DCBLD2: variants seen among roughly 807,000 people sequenced by gnomAD.
DCBLD2 encodes discoidin, CUB and LCCL domain containing 2, also known as discoidin, CUB and LCCL domain-containing protein 2.
DCBLD2 carries 54 observed loss-of-function variants against 86.8 expected under a neutral mutation model. The ratio of observed to expected loss-of-function variants is 0.62; its 90% CI spans 0.50 to 0.78. DCBLD2 has a LOEUF of 0.78. Among genes scored for constraint, DCBLD2 ranks in the 30% least tolerant of loss-of-function variants. The pLI, the probability that DCBLD2 is intolerant of heterozygous loss-of-function variation, is 0.00. For synonymous variants in DCBLD2, 354 were observed against 341.3 expected, an observed-to-expected ratio of 1.04 and a Z score of -0.41; for missense variants, 908 against 954.2, an observed-to-expected ratio of 0.95 and a Z score of 0.64.
Position 98,901,372 on chromosome 3 carries a change from C to T in DCBLD2, c.-46G>A, listed in dbSNP as rs964944317. ...CTGCATAGTGCGGGTGCCTCGGCAG[C>T]CCCGCGCGCCTCTGGCCGCGGCACC... On this transcript the variant is annotated 5_prime_UTR_variant, in exon 1 of 16. Coordinates refer to ENST00000326840, the MANE Select transcript of DCBLD2 (RefSeq NM_080927.4). 24 of 1,275,650 alleles carry T rather than the reference C, an allele frequency of 1.9e-5. No individual in the cohort carries two copies. The highest frequency in any genetic ancestry group is 2.4e-5 in the Non-Finnish European group (24 of 1,017,612). The allele number at this position is 1,275,650 out of a possible 1,614,324, so 79.0% of individuals were successfully genotyped here.
Position 98,894,749 on chromosome 3 carries a change from C to T in DCBLD2, c.205+6373G>A, listed in dbSNP as rs145650847. Among the ~76,000 whole-genome samples, 108 of 152,078 alleles carry T rather than the reference C, an allele frequency of 7.1e-4. 1 individual carries two copies. The East Asian group carries it at 0.015, about 22-fold the overall frequency. On this transcript the variant is annotated intron_variant, in intron 1 of 15. Transcript: ENST00000326840. ...AAGGACAACAGCATGAAGTGCATGCCGGTGCCAAGGGATGAACCAAATAAT... is the reference window on the plus strand; with the variant it reads ...AAGGACAACAGCATGAAGTGCATGCTGGTGCCAAGGGATGAACCAAATAAT...
intron 3 of DCBLD2, among the ~76,000 whole-genome samples, chr3:98,844,956 T>A (rs1314551009): frequency 2.0e-5 from 3 of 152,182 alleles, no homozygotes; most frequent in Admixed American, 2.0e-4. Flanking sequence ...ATAGATGTGG[T>A]TGTTTGTATA....
chr3:98,895,621 G>A (rs1487865312), intron 1 of DCBLD2, among the ~76,000 whole-genome samples: 1 of 152,116 alleles, frequency 6.6e-6, no homozygotes, highest in Non-Finnish European at 1.5e-5. Context: ...TACTTCTCCA[G>A]GAGTTGTGAG....
At chr3:98,806,995 T>C (rs1559768740) in intron 13 of DCBLD2, among the ~76,000 whole-genome samples, 1 of 152,144 alleles carries the variant, frequency 6.6e-6, no homozygotes, top group Non-Finnish European at 1.5e-5. Flanking sequence ...TCCTCTTCAA[T>C]CTACCCTTCA....
intron 1 of DCBLD2, among the ~76,000 whole-genome samples, chr3:98,885,134 G>A (rs1489461982): frequency 6.6e-6 from 1 of 151,810 alleles, no homozygotes; most frequent in Admixed American, 6.6e-5. Context: ...CCTTGTGTAG[G>A]GGGAGGGCAG....
intron 5 of DCBLD2, 40 bp downstream of exon 5, chr3:98,822,629 G>A: frequency 6.6e-7 from 1 of 1,519,446 alleles, no homozygotes; most frequent in Non-Finnish European, 8.9e-7. Context: ...AAAAAATAGA[G>A]TTATATCACA....
At chr3:98,878,702 C>T (rs1016801411) in intron 2 of DCBLD2, among the ~76,000 whole-genome samples, 11 of 152,064 alleles carry the variant, frequency 7.2e-5, no homozygotes, top group African/African-American at 2.2e-4. Flanking sequence ...AGTGGGTATA[C>T]GGTAGGTGTG....
chr3:98,835,401 A>G (rs1200383403), intron 3 of DCBLD2, among the ~76,000 whole-genome samples: 1 of 109,266 alleles, frequency 9.2e-6, no homozygotes, highest in Non-Finnish European at 1.9e-5. Context: ...GGGTGTCCCC[A>G]GCCAGAAATG....
rs182409819 is a variant in DCBLD2 at position 98,824,223 on chromosome 3, T to A, written c.623+1092A>T. On this transcript the variant is annotated intron_variant, in intron 4 of 15. Transcript: ENST00000326840. ...GGATTTTGGCAGCTTACATACATAA[T>A]CTGATTAGTATTTTTAAAAAAGATT... 1.0e-3 allele frequency among the ~76,000 whole-genome samples: 159 copies of A among 152,148 alleles called. 1 individual carries two copies. The highest frequency in any genetic ancestry group is 5.1e-3 in the Admixed American group (78 of 15,296).
chr3:98,821,649 T>A (rs1559773962), intron 6 of DCBLD2, among the ~76,000 whole-genome samples: 1 of 152,184 alleles, frequency 6.6e-6, no homozygotes, highest in Admixed American at 6.5e-5. Flanking sequence ...TAGACTTTTT[T>A]TTAACACTTA....
intron 13 of DCBLD2, among the ~76,000 whole-genome samples, chr3:98,804,454 T>C (rs1262226932): frequency 6.6e-6 from 1 of 152,200 alleles, no homozygotes; most frequent in African/African-American, 2.4e-5. Context: ...TTTATTAGTC[T>C]TGCTAGCAGT....
chr3:98,851,673 A>C (rs1197548762), intron 2 of DCBLD2, among the ~76,000 whole-genome samples: 1 of 152,250 alleles, frequency 6.6e-6, no homozygotes, highest in Non-Finnish European at 1.5e-5. Flanking sequence ...ACGCTACCTG[A>C]CTTCAAACTA....
intron 13 of DCBLD2, among the ~76,000 whole-genome samples, chr3:98,803,188 T>C (rs1941762505): frequency 6.6e-6 from 1 of 152,244 alleles, no homozygotes; most frequent in Non-Finnish European, 1.5e-5. Context: ...GAGCATGGAA[T>C]GTTCTTCCAT....
At chr3:98,884,926 C>A (rs1379965449) in intron 1 of DCBLD2, among the ~76,000 whole-genome samples, 5 of 152,024 alleles carry the variant, frequency 3.3e-5, no homozygotes, top group Admixed American at 3.3e-4. Context: ...AAAGAGTACA[C>A]GCAGAGTGTT....
chr3:98,898,452 C>CT (rs34406561), intron 1 of DCBLD2, among the ~76,000 whole-genome samples: 1 of 150,450 alleles, frequency 6.6e-6, no homozygotes, highest in Non-Finnish European at 1.5e-5. Context: ...TCAAAGAAAC[C>CT]TTTTTTGCAG....
chr3:98,797,298 A>G lies in DCBLD2; in HGVS notation c.*2074T>C. ...CTTAAAAAAAAAAAAACCCAAAACT[A>G]AACAACAACAACAAAAACCTCCAGG... On this transcript the variant is annotated 3_prime_UTR_variant, in exon 16 of 16. Coordinates refer to ENST00000326840, the MANE Select transcript of DCBLD2 (RefSeq NM_080927.4). 6.6e-6 allele frequency: 1 copy of G among 151,932 alleles called. No individual in the cohort carries two copies. Among genetic ancestry groups the G allele is most frequent in the African/African-American group, 2.4e-5 (1 of 41,476 alleles). 9.4% of individuals were successfully genotyped at this position (151,932 alleles called of 1,614,324 possible).
intron 1 of DCBLD2, among the ~76,000 whole-genome samples, chr3:98,899,551 A>AT (rs1943812988): frequency 6.6e-6 from 1 of 152,140 alleles, no homozygotes; most frequent in South Asian, 2.1e-4. Flanking sequence ...CGCCCGGTAG[A>AT]CTGGCCTTTT....
chr3:98,871,529 CTGAAA>C (rs1478815416), intron 2 of DCBLD2, among the ~76,000 whole-genome samples: 1 of 151,996 alleles, frequency 6.6e-6, no homozygotes, highest in Non-Finnish European at 1.5e-5. Flanking sequence ...TCTTCATCTA[CTGAAA>C]TGATTTTTTT....
intron 1 of DCBLD2, among the ~76,000 whole-genome samples, chr3:98,898,935 T>C (rs907044891): frequency 6.6e-6 from 1 of 152,178 alleles, no homozygotes; most frequent in Non-Finnish European, 1.5e-5. Context: ...GCTTTTCCCT[T>C]TGCAAAATTC....
Sources: gnomAD v4.1 joint callset for allele counts (sites outside exome capture counted in the v4.1 genomes callset) on GRCh38, gnomAD v4.1.1 for gene constraint, MANE v1.5 for transcripts, NCBI Gene and HGNC (gene_info 2026-07-23, HGNC 2026-07-21) for gene names.